MYL2: variants seen among roughly 807,000 people sequenced by gnomAD.
MYL2 encodes myosin light chain 2.
Under a neutral mutation model 23.0 loss-of-function variants are expected in MYL2, and 19 were observed. The ratio of observed to expected loss-of-function variants is 0.83; its 90% CI spans 0.58 to 1.21. The LOEUF is 1.21. Among genes scored for constraint, MYL2 ranks in the 50% most tolerant of loss-of-function variants. The pLI, the probability that MYL2 is intolerant of heterozygous loss-of-function variation, is 0.00. For missense variants in MYL2, 180 were observed against 215.1 expected, an observed-to-expected ratio of 0.84 and a Z score of 1.02; for synonymous variants, 78 against 76.2, an observed-to-expected ratio of 1.02 and a Z score of -0.13.
chr12:110,920,788 T>A, upstream of MYL2: 2 of 598,328 alleles, frequency 3.3e-6, no homozygotes, highest in Non-Finnish European at 6.0e-6. Context: ...AGTAGCTGGG[T>A]CATGGTCACG....
intron 2 of MYL2, among the ~76,000 whole-genome samples, chr12:110,916,750 G>T (rs2071690000): frequency 1.3e-5 from 2 of 152,144 alleles, no homozygotes; most frequent in South Asian, 2.1e-4. Context: ...AGTGGTGATG[G>T]TTGCACAACT....
intron 1 of MYL2, among the ~76,000 whole-genome samples, 190 bp downstream of exon 1, chr12:110,920,337 C>T (rs2071713380): frequency 6.6e-6 from 1 of 152,078 alleles, no homozygotes; most frequent in African/African-American, 2.4e-5. Flanking sequence ...CCGAGAGCTG[C>T]TGTTATTTGT....
rs1311270692 is a variant in MYL2, at chr12:110,918,435, G to A, written c.93+669C>T. Among the ~76,000 whole-genome samples, 2 of 152,154 alleles carry A rather than the reference G, an allele frequency of 1.3e-5. No homozygotes were observed. Among genetic ancestry groups the A allele is most frequent in the Admixed American group, 6.5e-5 (1 of 15,278 alleles). ...TTGATGGAAATGTGGGGAAAGGCAC[G>A]AGGCTGCTGGGCATAGGAATTAGTG... On this transcript the variant is annotated intron_variant, in intron 2 of 6. Coordinates refer to ENST00000228841, the MANE Select transcript of MYL2 (RefSeq NM_000432.4). This position sits in a 1 kb window ranked among gnomAD's most constrained non-coding sequence, Gnocchi z 4.4.
upstream of MYL2, among the ~76,000 whole-genome samples, chr12:110,921,222 G>A (rs1430149465): frequency 6.6e-6 from 1 of 152,258 alleles, no homozygotes; most frequent in African/African-American, 2.4e-5. Context: ...ATAGCTGTGC[G>A]TGGTGGTGCA....
intron 6 of MYL2, 130 bp from the exon 7 acceptor site, chr12:110,911,305 G>T (rs2071651537): frequency 2.9e-6 from 2 of 678,350 alleles, no homozygotes; most frequent in Non-Finnish European, 5.2e-6. Context: ...GCCACTCAGA[G>T]GGTCCTCCGG....
rs1331172836 is a variant in MYL2 at position 110,918,322 on chromosome 12, T to C, written c.93+782A>G. 6.6e-6 allele frequency among the ~76,000 whole-genome samples: 1 copy of C among 152,004 alleles called. No individual in the cohort carries two copies. The highest frequency in any genetic ancestry group is 6.6e-5 in the Admixed American group (1 of 15,242). Reference sequence around the variant, plus strand: ...TTCAAATGGGGCTAGTGGTTAATAATCAAAGACTGTAAAATGTAAAACCCA... The same window carrying C: ...TTCAAATGGGGCTAGTGGTTAATAACCAAAGACTGTAAAATGTAAAACCCA... On this transcript the variant is annotated intron_variant, in intron 2 of 6. Transcript: ENST00000228841. The surrounding 1 kb of genome is among the most constrained non-coding windows in gnomAD (Gnocchi z 4.4).
At chr12:110,920,421 G>A (rs1024579991) in intron 1 of MYL2, 106 bp downstream of exon 1, 2 of 1,541,546 alleles carry the variant, frequency 1.3e-6, no homozygotes, top group African/African-American at 2.7e-5. Flanking sequence ...AGGGGCTGGA[G>A]GCTTTGAGGG....
intron 2 of MYL2, among the ~76,000 whole-genome samples, chr12:110,916,999 T>C (rs2071691845): frequency 6.6e-6 from 1 of 151,892 alleles, no homozygotes; most frequent in African/African-American, 2.4e-5. Context: ...TAGACGCGCA[T>C]CACCAATGCC....
rs1473430840 is a variant in MYL2, at chr12:110,918,044, C to T, written c.93+1060G>A. Among the ~76,000 whole-genome samples, 1 of 152,146 alleles carries T rather than the reference C, an allele frequency of 6.6e-6. No individual in the cohort carries two copies. The highest frequency in any genetic ancestry group is 1.5e-5 in the Non-Finnish European group (1 of 68,030). ...GCTGCAGGGAGCCGTGGTTGTGCCA[C>T]TGCACTCTAGCCTGGGTGACAGAGC... On this transcript the variant is annotated intron_variant, in intron 2 of 6. Transcript: ENST00000228841. This position sits in a 1 kb window ranked among gnomAD's most constrained non-coding sequence, Gnocchi z 4.4.
chr12:110,917,359 C>T (rs552266482), intron 2 of MYL2, among the ~76,000 whole-genome samples: 1 of 150,984 alleles, frequency 6.6e-6, no homozygotes, highest in African/African-American at 2.4e-5. Context: ...CTTTGGAGGC[C>T]GAGGCGGAGG....
rs749936467 is a variant in MYL2, at chr12:110,915,737, C to T, written c.147G>A (p.Leu49=). 3.7e-6 allele frequency: 6 copies of T among 1,614,024 alleles called. No individual in the cohort carries two copies. In the South Asian group the frequency reaches 4.4e-5, roughly 12 times the overall value. ...TACCAAGGGCAGCAAAGGTGTCTCTCAGATCGTTCTTGTCAATGAAGCCAT... is the reference window on the plus strand; with the variant it reads ...TACCAAGGGCAGCAAAGGTGTCTCTTAGATCGTTCTTGTCAATGAAGCCAT... ...NRDGFIDKND[L]RDTFAALGRV... The change falls in exon 3 of 7, where the codon CTG becomes CTA. Residue 49 remains leucine (L), a synonymous_variant. Coordinates refer to ENST00000228841, the MANE Select transcript of MYL2 (RefSeq NM_000432.4).
chr12:110,913,470 T>TC, intron 4 of MYL2, 146 bp from the exon 5 acceptor site: 1 of 784,204 alleles, frequency 1.3e-6, no homozygotes, highest in Non-Finnish European at 2.2e-6. Flanking sequence ...TTTCGTCTGA[T>TC]CACTGAGCCT....
chr12:110,920,558 A>G lies in MYL2; in HGVS notation c.-29T>C. The G allele has an allele frequency of 3.7e-6, 6 of 1,614,080 alleles. No homozygotes were observed. Among genetic ancestry groups the G allele is most frequent in the Non-Finnish European group, 4.2e-6 (5 of 1,180,020 alleles). On this transcript the variant is annotated 5_prime_UTR_variant, in exon 1 of 7. Coordinates refer to ENST00000228841, the MANE Select transcript of MYL2 (RefSeq NM_000432.4). ...GGAAAGGACCCAGCACTGCCTCCCG[A>G]GAAGAATTCCACACTCCGCCCAGCT...
chr12:110,910,924 G>A lies in MYL2; in HGVS notation c.*153C>T. The A allele has an allele frequency of 1.4e-6, 1 of 736,770 alleles. No homozygotes were observed. Among genetic ancestry groups the A allele is most frequent in the Non-Finnish European group, 2.4e-6 (1 of 415,210 alleles). The allele number at this position is 736,770 out of a possible 1,614,324, so 45.6% of individuals were successfully genotyped here. A position where few individuals can be genotyped will look rare whatever the true frequency, so the allele number is the denominator to read the frequency against. On this transcript the variant is annotated 3_prime_UTR_variant, in exon 7 of 7. Transcript: ENST00000228841. ...GATGTGCGGCCACGAAGTACCCATA[G>A]CCACCCAGGCTGCAAAGAAGATGGA...
At position 110,917,092 on chromosome 12, in the gene MYL2, C is replaced by T. The variant is rs914942606; in HGVS notation, c.94-1302G>A. Among the ~76,000 whole-genome samples the T allele has an allele frequency of 2.8e-4, 43 of 151,888 alleles. 1 individual carries two copies. The highest frequency in any genetic ancestry group is 4.6e-4 in the Admixed American group (7 of 15,238). Reference sequence around the variant, plus strand: ...ACCTCCTGACCTCAAGTGATCTGCCCACCTTAGCCTCCCAAAGTGCTGTGA... The same window carrying T: ...ACCTCCTGACCTCAAGTGATCTGCCTACCTTAGCCTCCCAAAGTGCTGTGA... On this transcript the variant is annotated intron_variant, in intron 2 of 6. Transcript: ENST00000228841.
chr12:110,917,605 G>A (rs767977145), intron 2 of MYL2, among the ~76,000 whole-genome samples: 6 of 152,218 alleles, frequency 3.9e-5, no homozygotes, highest in Admixed American at 2.6e-4. Context: ...CAGAGGCTGG[G>A]AAAAGAGGCG....
In MYL2 at chr12:110,910,961, G is replaced by A; in HGVS notation, c.*116C>T. 1 of 968,772 alleles carries A rather than the reference G, an allele frequency of 1.0e-6. No individual in the cohort carries two copies. The highest frequency in any genetic ancestry group is 1.3e-5 in the South Asian group (1 of 76,938). The allele number at this position is 968,772 out of a possible 1,614,324, so 60.0% of individuals were successfully genotyped here. On this transcript the variant is annotated 3_prime_UTR_variant, in exon 7 of 7. Coordinates refer to ENST00000228841, the MANE Select transcript of MYL2 (RefSeq NM_000432.4). ...GCAAAGAAGATGGAGGTGGATAAAT[G>A]GGGCAGCCACATGGCTAACAGACAA...
chr12:110,919,887 C>T (rs910084018), intron 1 of MYL2, among the ~76,000 whole-genome samples: 6 of 152,186 alleles, frequency 3.9e-5, no homozygotes, highest in Admixed American at 3.9e-4. Context: ...TTATTATCAT[C>T]CCCATTTTAC....
At chr12:110,912,271 C>T (rs1437629239) in intron 6 of MYL2, among the ~76,000 whole-genome samples, 1 of 151,774 alleles carries the variant, frequency 6.6e-6, no homozygotes, top group East Asian at 1.9e-4. Context: ...CCCCTTCTAC[C>T]AAACTCACTA....
Sources: gnomAD v4.1 joint callset for allele counts (sites outside exome capture counted in the v4.1 genomes callset) on GRCh38, gnomAD v4.1.1 for gene constraint, Gnocchi (gnomAD v3.1) non-coding constraint, MANE v1.5 for transcripts, NCBI Gene and HGNC (gene_info 2026-07-23, HGNC 2026-07-21) for gene names.